PCDH15: variants seen among roughly 807,000 people sequenced by gnomAD.
PCDH15 encodes the protein protocadherin related 15, also known as protocadherin-15.
A neutral mutation model predicts 178.5 loss-of-function variants in PCDH15; 129 were observed. The observed-to-expected ratio is 0.72, with a 90% CI of 0.63 to 0.84. PCDH15 has a LOEUF of 0.84. Ranked by LOEUF, PCDH15 falls within the 40% of genes least tolerant of loss-of-function variation. The pLI, the probability that PCDH15 is intolerant of heterozygous loss-of-function variation, is 0.00. For missense variants in PCDH15, 2,230 were observed against 2,099.9 expected (o/e 1.06, Z -1.21); for synonymous variants, 800 against 732.0 (o/e 1.09, Z -1.50).
chr10:55,272,555 G>A (rs563965098), intron 1 of PCDH15, among the ~76,000 whole-genome samples: 2 of 151,480 alleles, frequency 1.3e-5, no homozygotes, highest in Non-Finnish European at 2.9e-5. Flanking sequence ...CTAATTTTTC[G>A]TATTGTTAGT....
At chr10:54,558,795 C>T (rs957330898) in intron 2 of PCDH15, among the ~76,000 whole-genome samples, 1 of 151,996 alleles carries the variant, frequency 6.6e-6, no homozygotes, top group Non-Finnish European at 1.5e-5. Context: ...TTTTATTCAC[C>T]CAAACTAGAA....
chr10:54,880,064 A>C (rs1564597548), intron 3 of PCDH15, among the ~76,000 whole-genome samples: 1 of 152,116 alleles, frequency 6.6e-6, no homozygotes, highest in Non-Finnish European at 1.5e-5. Flanking sequence ...AACAAATTAA[A>C]ATCCTGATTC....
At chr10:54,953,339 T>C (rs963627398) in intron 2 of PCDH15, among the ~76,000 whole-genome samples, 11 of 151,588 alleles carry the variant, frequency 7.3e-5, no homozygotes, top group East Asian at 3.9e-4. Flanking sequence ...CTTTTGAATA[T>C]TGATGCAGAA....
chr10:53,822,115 A>C, intron 32 of PCDH15: 1 of 1,613,526 alleles, frequency 6.2e-7, no homozygotes, highest in African/African-American at 1.3e-5. Flanking sequence ...TCTGTTTTAC[A>C]CACTGTCGTT....
In PCDH15 at chr10:54,132,998, G is replaced by T; in HGVS notation, c.1794C>A (p.Ile598=). ...NAPPAERRNS[I]CTVYIEVLPP... The stretch of plus-strand genomic sequence containing the variant: ...GAAGCACTTCAATATACACAGTGCA[G>T]ATGGAGTTCCTGCAGAGAAAGAGAG... The change falls in exon 15 of 38, where the codon ATC becomes ATA. Residue 598 remains isoleucine (I), a synonymous_variant. Transcript: ENST00000644397. 1 of 1,614,070 alleles carries T rather than the reference G, an allele frequency of 6.2e-7. No individual in the cohort carries two copies. Among genetic ancestry groups the T allele is most frequent in the South Asian group, 1.1e-5 (1 of 91,088 alleles).
At chr10:55,061,119 G>C (rs574833353) in intron 2 of PCDH15, among the ~76,000 whole-genome samples, 61 of 151,828 alleles carry the variant, frequency 4.0e-4, no homozygotes, top group East Asian at 7.7e-4. Context: ...ATAAGACAAT[G>C]GCAAAAAAAT....
In PCDH15 at chr10:55,130,384, A is replaced by G. The variant is rs145171522; in HGVS notation, c.-80+36192T>C. 3.8e-3 allele frequency among the ~76,000 whole-genome samples: 575 copies of G among 152,250 alleles called. 5 individuals are homozygous for G. Among genetic ancestry groups the G allele is most frequent in the African/African-American group, 0.013 (537 of 41,542 alleles). ...GTTTGCTAGGAATATTTGAGAAAGG[A>G]AAAGGAGGTTACAAAAGAACATGTG... On this transcript the variant is annotated intron_variant, in intron 2 of 5. Coordinates refer to the PCDH15 transcript ENST00000458638.
chr10:54,307,071 TATATATATAC>T (rs1369472783), intron 8 of PCDH15, among the ~76,000 whole-genome samples: 1 of 9,830 alleles, frequency 1.0e-4, no homozygotes, highest in East Asian at 3.0e-3. Context: ...TATATATATA[TATATATATAC>T]ATATATATAT....
chr10:55,186,611 T>G (rs1228589842), intron 1 of PCDH15, among the ~76,000 whole-genome samples: 2 of 151,672 alleles, frequency 1.3e-5, no homozygotes, highest in Non-Finnish European at 3.0e-5. Context: ...CTAGTAAACA[T>G]TTTCCTAAAA....
chr10:54,135,262 CTTTAAA>C (rs2042811414), intron 14 of PCDH15, among the ~76,000 whole-genome samples: 1 of 151,818 alleles, frequency 6.6e-6, no homozygotes, highest in African/African-American at 2.4e-5. Context: ...AGTAATCTCA[CTTTAAA>C]TTAAAATATT....
intron 1 of PCDH15, among the ~76,000 whole-genome samples, chr10:54,711,126 T>C (rs1421714915): frequency 6.6e-6 from 1 of 152,000 alleles, no homozygotes; most frequent in South Asian, 2.1e-4. Flanking sequence ...AGAGGCTGCT[T>C]GCTGTCACAA....
intron 1 of PCDH15, among the ~76,000 whole-genome samples, chr10:54,787,286 T>C (rs118050179): frequency 6.6e-6 from 1 of 152,002 alleles, no homozygotes; most frequent in Non-Finnish European, 1.5e-5. Flanking sequence ...AAAAACAATT[T>C]TTACAAAAAT....
At chr10:55,448,301 A>AT (rs941254737) in intron 2 of PCDH15, among the ~76,000 whole-genome samples, 16 of 151,828 alleles carry the variant, frequency 1.1e-4, no homozygotes, top group South Asian at 2.1e-4. Context: ...AGTAGGTTAG[A>AT]TTTTTTTTAC....
At chr10:55,307,444 A>G (rs1843458297) in intron 1 of PCDH15, among the ~76,000 whole-genome samples, 2 of 151,840 alleles carry the variant, frequency 1.3e-5, no homozygotes. Context: ...CTGAGCTTGC[A>G]GTGAGCCAAG....
Position 53,866,590 on chromosome 10 carries a change from C to T in PCDH15, c.3717+52G>A, listed in dbSNP as rs377238744. The stretch of plus-strand genomic sequence containing the variant: ...AAGTTCTATAAACTGAAAACACTGA[C>T]CTATGGCTAGTATCGTAGCTACTTC... On this transcript the variant is annotated intron_variant, in intron 27 of 37. Coordinates refer to ENST00000644397, the MANE Select transcript of PCDH15 (RefSeq NM_001384140.1). 18 of 1,340,854 alleles carry T rather than the reference C, an allele frequency of 1.3e-5. No individual in the cohort carries two copies. In the African/African-American group the frequency reaches 2.2e-4, roughly 16 times the overall value. The allele number at this position is 1,340,854 out of a possible 1,614,324, so 83.1% of individuals were successfully genotyped here.
At chr10:54,883,939 G>A (rs1954307377) in intron 3 of PCDH15, among the ~76,000 whole-genome samples, 1 of 151,770 alleles carries the variant, frequency 6.6e-6, no homozygotes, top group African/African-American at 2.4e-5. Flanking sequence ...CTTATTGGTG[G>A]GAAATTATTT....
At chr10:54,920,359 A>G (rs1188891288) in intron 2 of PCDH15, among the ~76,000 whole-genome samples, 4 of 149,558 alleles carry the variant, frequency 2.7e-5, no homozygotes, top group African/African-American at 9.9e-5. Context: ...AGTCCCAGCT[A>G]CTCGGGAGAT....
At chr10:54,979,009 AT>A (rs1232462315) in intron 2 of PCDH15, among the ~76,000 whole-genome samples, 1 of 152,186 alleles carries the variant, frequency 6.6e-6, no homozygotes, top group Non-Finnish European at 1.5e-5. Flanking sequence ...AATTTATTTA[AT>A]TTTAGCTACA....
At chr10:54,977,078 T>A (rs1350377745) in intron 2 of PCDH15, among the ~76,000 whole-genome samples, 1 of 152,194 alleles carries the variant, frequency 6.6e-6, no homozygotes, top group Non-Finnish European at 1.5e-5. Context: ...GCACAACTGC[T>A]TTAAGAGTAA....
Sources: allele counts gnomAD v4.1 joint callset (sites outside exome capture counted in the v4.1 genomes callset), GRCh38; gene constraint gnomAD v4.1.1; transcripts MANE v1.5; gene names NCBI Gene and HGNC (gene_info 2026-07-23, HGNC 2026-07-21).